GRM7: variants seen among roughly 807,000 people sequenced by gnomAD.
GRM7 encodes the protein glutamate metabotropic receptor 7, also known as metabotropic glutamate receptor 7.
Under a neutral mutation model 84.5 loss-of-function variants are expected in GRM7, and 35 were observed. That is an observed-to-expected ratio of 0.41 (90% CI 0.32 to 0.55). The LOEUF (loss-of-function observed/expected upper bound fraction) is 0.55, where lower values mean the gene tolerates loss of function less well. Among genes scored for constraint, GRM7 ranks in the 20% least tolerant of loss-of-function variants. The pLI is 0.19. For missense variants in GRM7, 1,003 were observed against 1,194.6 expected (o/e 0.84, Z 2.36); for synonymous variants, 487 against 455.1 (o/e 1.07, Z -0.89).
chr3:7,146,013 G>C (rs899849833), intron 1 of GRM7, among the ~76,000 whole-genome samples: 1 of 152,180 alleles, frequency 6.6e-6, no homozygotes, highest in Admixed American at 6.5e-5. Flanking sequence ...ATCGATGTTA[G>C]ATGGCTAATG....
intron 2 of GRM7, among the ~76,000 whole-genome samples, chr3:7,201,039 G>A (rs776303432): frequency 3.1e-4 from 42 of 135,236 alleles, no homozygotes; most frequent in Non-Finnish European, 5.9e-4. Context: ...GCACGATCTC[G>A]GCTCACTGCA....
intron 2 of GRM7, among the ~76,000 whole-genome samples, chr3:7,192,607 G>T (rs922224368): frequency 6.6e-6 from 1 of 151,982 alleles, no homozygotes; most frequent in Admixed American, 6.6e-5. Context: ...GGCCATTGAC[G>T]CTCTTCTCTC....
At chr3:6,874,068 A>C (rs1695219035) in intron 1 of GRM7, among the ~76,000 whole-genome samples, 2 of 152,212 alleles carry the variant, frequency 1.3e-5, no homozygotes, top group South Asian at 4.1e-4. Flanking sequence ...TTAGGTGTTT[A>C]TTGTAACCTC....
At chr3:7,306,950 T>C (rs1231210434) in intron 4 of GRM7, among the ~76,000 whole-genome samples, 1 of 152,200 alleles carries the variant, frequency 6.6e-6, no homozygotes, top group African/African-American at 2.4e-5. Context: ...ATAAGTAAAG[T>C]ATACACATCC....
intron 1 of GRM7, among the ~76,000 whole-genome samples, chr3:6,987,654 T>G (rs1212273233): frequency 6.6e-6 from 1 of 152,196 alleles, no homozygotes; most frequent in Non-Finnish European, 1.5e-5. Context: ...GCTAGTTCCT[T>G]GTAAGCCACT....
At chr3:7,639,045 C>A (rs1559456131) in intron 8 of GRM7, among the ~76,000 whole-genome samples, 1 of 152,172 alleles carries the variant, frequency 6.6e-6, no homozygotes, top group Non-Finnish European at 1.5e-5. Flanking sequence ...ATTTGCTTGA[C>A]CCCCTCTTGA....
chr3:7,177,111 C>A (rs1695178776), intron 2 of GRM7, among the ~76,000 whole-genome samples: 1 of 143,438 alleles, frequency 7.0e-6, no homozygotes, highest in South Asian at 2.2e-4. Flanking sequence ...GAATTCTGAT[C>A]CTAACTCTGC....
At chr3:7,218,907 T>C (rs557573327) in intron 2 of GRM7, among the ~76,000 whole-genome samples, 1 of 152,248 alleles carries the variant, frequency 6.6e-6, no homozygotes, top group Non-Finnish European at 1.5e-5. Context: ...TGTGATTACA[T>C]GGCTAAATTT....
chr3:7,449,128 A>G (rs925235591), intron 5 of GRM7, among the ~76,000 whole-genome samples: 1 of 152,132 alleles, frequency 6.6e-6, no homozygotes, highest in African/African-American at 2.4e-5. Flanking sequence ...ATTTTTCATA[A>G]TAGAAAGTTG....
At chr3:7,726,655 A>C (rs1163141606) in intron 9 of GRM7, among the ~76,000 whole-genome samples, 10 of 96,114 alleles carry the variant, frequency 1.0e-4, no homozygotes, top group African/African-American at 3.9e-4. Flanking sequence ...ATATATATAT[A>C]TATATATATA....
chr3:7,602,838 C>G lies in GRM7; in HGVS notation c.2451+23481C>G, dbSNP rs1696384669. ...TCTTGTATAAAATCAGGAGATTCTG[C>G]CATCACTACCACTGATTAGTAATTA... is the stretch of plus-strand genomic sequence containing the variant. On this transcript the variant is annotated intron_variant, in intron 8 of 9. Transcript: ENST00000357716. Among the ~76,000 whole-genome samples the G allele has an allele frequency of 3.3e-5, 5 of 152,270 alleles. No homozygotes were observed. The South Asian group carries it at 1.0e-3, about 32-fold the overall frequency.
chr3:7,726,615 A>C (rs55781743), intron 9 of GRM7, among the ~76,000 whole-genome samples: 681 of 5,776 alleles, frequency 0.12, 14 homozygotes, highest in South Asian at 0.17. Context: ...CTCTCCCTCT[A>C]TATATATATA....
At chr3:7,198,009 A>G (rs991031025) in intron 2 of GRM7, among the ~76,000 whole-genome samples, 5 of 152,110 alleles carry the variant, frequency 3.3e-5, no homozygotes, top group African/African-American at 1.2e-4. Context: ...TTGGTATCAG[A>G]TTGTGGAGGC....
chr3:7,150,917 C>T (rs1694267017), intron 2 of GRM7, among the ~76,000 whole-genome samples: 2 of 152,176 alleles, frequency 1.3e-5, no homozygotes, highest in African/African-American at 4.8e-5. Flanking sequence ...GTCCATCAGA[C>T]TATTTCCAGG....
chr3:7,221,609 G>T (rs1696803381), intron 2 of GRM7, among the ~76,000 whole-genome samples: 1 of 151,610 alleles, frequency 6.6e-6, no homozygotes, highest in Non-Finnish European at 1.5e-5. Context: ...ATCTAATATT[G>T]TATAGTTTCT....
chr3:7,706,124 C>G (rs759889982), intron 9 of GRM7, among the ~76,000 whole-genome samples: 50 of 152,128 alleles, frequency 3.3e-4, no homozygotes, highest in Non-Finnish European at 4.9e-4. Flanking sequence ...AACTTCAGAG[C>G]TTACCTACAT....
chr3:7,266,753 G>A (rs1004913266), intron 2 of GRM7, among the ~76,000 whole-genome samples: 1 of 152,144 alleles, frequency 6.6e-6, no homozygotes, highest in Non-Finnish European at 1.5e-5. Flanking sequence ...CAAATTTTGA[G>A]TTGCTGAATG....
intron 2 of GRM7, among the ~76,000 whole-genome samples, chr3:7,197,716 G>C (rs1695925223): frequency 6.7e-6 from 1 of 148,908 alleles, no homozygotes; most frequent in East Asian, 2.0e-4. Context: ...TTTTTTTCTA[G>C]TTTAACCAGG....
chr3:7,604,633 A>G (rs1696476224), intron 8 of GRM7, among the ~76,000 whole-genome samples: 1 of 152,204 alleles, frequency 6.6e-6, no homozygotes, highest in African/African-American at 2.4e-5. Flanking sequence ...GTGGCTTAGT[A>G]TACCTGATTA....
Sources: allele counts gnomAD v4.1 joint callset (sites outside exome capture counted in the v4.1 genomes callset), GRCh38; gene constraint gnomAD v4.1.1; transcripts MANE v1.5; gene names NCBI Gene and HGNC (gene_info 2026-07-23, HGNC 2026-07-21).